The following CSMD3 variants were observed in gnomAD, a reference collection of about 807,000 sequenced individuals.
CSMD3 encodes CUB and Sushi multiple domains 3.
Under a neutral mutation model 435.2 loss-of-function variants are expected in CSMD3, and 177 were observed. The ratio of observed to expected loss-of-function variants is 0.41; its 90% CI spans 0.36 to 0.46. The LOEUF is 0.46. Ranked by LOEUF, CSMD3 falls within the 20% of genes least tolerant of loss-of-function variation. CSMD3 has a pLI of 0.34. For missense variants in CSMD3, 4,265 were observed against 4,504.6 expected (o/e 0.95, Z 1.52); for synonymous variants, 1,656 against 1,520.5 (o/e 1.09, Z -2.07).
intron 5 of CSMD3, among the ~76,000 whole-genome samples, chr8:113,060,520 G>A (rs2088566919): frequency 6.6e-6 from 1 of 151,916 alleles, no homozygotes; most frequent in African/African-American, 2.4e-5. Context: ...ATAAACCTGA[G>A]GTTACTTCAC....
intron 3 of CSMD3, among the ~76,000 whole-genome samples, chr8:113,271,644 G>A (rs1000923307): frequency 6.6e-6 from 1 of 152,152 alleles, no homozygotes; most frequent in Non-Finnish European, 1.5e-5. Flanking sequence ...CAGGGGTGGG[G>A]CCCTCATGGA....
At chr8:113,015,348 T>G (rs1382321489) in intron 6 of CSMD3, among the ~76,000 whole-genome samples, 1 of 152,056 alleles carries the variant, frequency 6.6e-6, no homozygotes, top group Non-Finnish European at 1.5e-5. Flanking sequence ...TTTTAAATAT[T>G]GTGTGTTGCT....
At chr8:112,996,357 C>T (rs140930479) in intron 6 of CSMD3, among the ~76,000 whole-genome samples, 3,859 of 151,456 alleles carry the variant, frequency 0.025, 78 homozygotes, top group Middle Eastern at 0.061. Context: ...AAGTATTTGC[C>T]TTTTTGCACC....
intron 2 of CSMD3, among the ~76,000 whole-genome samples, chr8:113,298,033 T>C (rs1044282185): frequency 6.6e-6 from 1 of 152,052 alleles, no homozygotes; most frequent in African/African-American, 2.4e-5. Context: ...CAACACACAG[T>C]AAGTACAATA....
At chr8:112,448,239 A>G (rs958781563) in intron 32 of CSMD3, among the ~76,000 whole-genome samples, 8 of 152,112 alleles carry the variant, frequency 5.3e-5, no homozygotes, top group Admixed American at 6.6e-5. Flanking sequence ...TCCTCTTTTC[A>G]TAAGAGCACC....
At chr8:112,586,973 T>G in intron 23 of CSMD3, 93 bp downstream of exon 23, 2 of 815,902 alleles carry the variant, frequency 2.5e-6, no homozygotes, top group Non-Finnish European at 4.0e-6. Flanking sequence ...ACTATATACA[T>G]ACACATATAT....
chr8:113,406,177 T>C (rs1383974406), intron 1 of CSMD3, among the ~76,000 whole-genome samples: 3 of 152,032 alleles, frequency 2.0e-5, no homozygotes, highest in African/African-American at 7.2e-5. Flanking sequence ...AATTCTGGTT[T>C]GCAAATATTT....
At chr8:112,384,631 C>T (rs574192194) in intron 36 of CSMD3, among the ~76,000 whole-genome samples, 1 of 152,222 alleles carries the variant, frequency 6.6e-6, no homozygotes, top group African/African-American at 2.4e-5. Flanking sequence ...CAATTTCACT[C>T]ATTAAAAATT....
At chr8:113,407,870 T>C (rs540479847) in intron 1 of CSMD3, among the ~76,000 whole-genome samples, 79 of 152,288 alleles carry the variant, frequency 5.2e-4, no homozygotes, top group South Asian at 1.2e-3. Context: ...AATTTCTAAA[T>C]TGCTGCATGT....
chr8:112,794,285 CTTTTTTT>C (rs1203991072), intron 13 of CSMD3, among the ~76,000 whole-genome samples: 10 of 96,302 alleles, frequency 1.0e-4, no homozygotes, highest in African/African-American at 3.5e-4. Context: ...GACTGATAAA[CTTTTTTT>C]TTTTTTTTTT....
chr8:112,756,778 T>C (rs969700135), intron 13 of CSMD3, among the ~76,000 whole-genome samples: 2 of 151,470 alleles, frequency 1.3e-5, no homozygotes, highest in Non-Finnish European at 2.9e-5. Flanking sequence ...AATTTTTTTT[T>C]TTTTTTTGAG....
intron 5 of CSMD3, among the ~76,000 whole-genome samples, chr8:113,084,280 A>T (rs2089672710): frequency 6.6e-6 from 1 of 152,134 alleles, no homozygotes; most frequent in Non-Finnish European, 1.5e-5. Flanking sequence ...ACCAACCTAC[A>T]AAAATCAGCA....
chr8:112,844,353 T>C (rs2080260166), intron 11 of CSMD3, among the ~76,000 whole-genome samples: 1 of 152,020 alleles, frequency 6.6e-6, no homozygotes, highest in African/African-American at 2.4e-5. Context: ...AAAACATCCA[T>C]GTACTCCTTC....
At position 112,336,673 on chromosome 8, in the gene CSMD3, A is replaced by G; in HGVS notation, c.6998T>C (p.Ile2333Thr). 1 of 1,611,546 alleles carries G rather than the reference A, an allele frequency of 6.2e-7. No homozygotes were observed. Among genetic ancestry groups the G allele is most frequent in the Non-Finnish European group, 8.5e-7 (1 of 1,177,824 alleles). The change falls in exon 44 of 71, where the codon ATA becomes ACA. Residue 2333 changes from isoleucine (I) to threonine (T), a missense_variant. By Grantham distance (89) the Ile-to-Thr change is moderately conservative. This residue lies in a region of CSMD3 where 3,255 missense variants were observed against 3,380.2 expected (regional missense o/e 0.96). Transcript: ENST00000297405. ...INFTVLQTEPIYDFITVWDGP... is the reference protein window; with the variant it reads ...INFTVLQTEPTYDFITVWDGP... ...TTACCATACAGTAATGAAATCATAT[A>G]TTGGTTCTGTTTGAAGGACAGTAAA...
intron 52 of CSMD3, among the ~76,000 whole-genome samples, chr8:112,302,464 C>T (rs1193034939): frequency 6.6e-6 from 1 of 151,952 alleles, no homozygotes; most frequent in Non-Finnish European, 1.5e-5. Context: ...ATTTGATTTT[C>T]ATGAGATCCA....
intron 16 of CSMD3, among the ~76,000 whole-genome samples, chr8:112,677,391 T>C (rs1449008551): frequency 6.7e-6 from 1 of 150,346 alleles, no homozygotes; most frequent in East Asian, 1.9e-4. Flanking sequence ...TCTGTTTACT[T>C]CATTGTATAA....
At chr8:113,138,532 T>A (rs1467596059) in intron 4 of CSMD3, among the ~76,000 whole-genome samples, 1 of 151,466 alleles carries the variant, frequency 6.6e-6, no homozygotes, top group Non-Finnish European at 1.5e-5. Flanking sequence ...TGAAGATGAT[T>A]TGAAGTAAGC....
At chr8:113,341,305 T>C (rs578087106) in intron 1 of CSMD3, among the ~76,000 whole-genome samples, 11 of 152,228 alleles carry the variant, frequency 7.2e-5, no homozygotes, top group African/African-American at 2.6e-4. Flanking sequence ...TACTAGAGCT[T>C]ACTCCTCCTA....
At chr8:112,891,855 T>C (rs1312933963) in intron 10 of CSMD3, among the ~76,000 whole-genome samples, 1 of 151,512 alleles carries the variant, frequency 6.6e-6, no homozygotes. Context: ...TCTGTTCTCT[T>C]AACCAAGAGG....
Sources: gnomAD v4.1 joint callset for allele counts (sites outside exome capture counted in the v4.1 genomes callset) on GRCh38, gnomAD v4.1.1 for gene constraint, gnomAD v4.1.1 regional missense constraint, MANE v1.5 for transcripts, NCBI Gene and HGNC (gene_info 2026-07-23, HGNC 2026-07-21) for gene names.